Variants in TRPM3 observed in about 807,000 individuals in gnomAD.
TRPM3 encodes the protein long transient receptor potential channel 3.
Under a neutral mutation model 181.2 loss-of-function variants are expected in TRPM3, and 77 were observed. The ratio of observed to expected loss-of-function variants is 0.42; its 90% CI spans 0.35 to 0.51. The LOEUF (loss-of-function observed/expected upper bound fraction) is 0.51. Ranked by LOEUF, TRPM3 falls within the 20% of genes least tolerant of loss-of-function variation. TRPM3 has a pLI of 0.01. For synonymous variants in TRPM3, 745 were observed against 796.4 expected (o/e 0.94, Z 1.09); for missense variants, 1,759 against 2,196.7 (o/e 0.80, Z 3.98).
Position 71,032,056 on chromosome 9 carries a change from T to G in TRPM3, c.177+89122A>C, listed in dbSNP as rs1178737784. 3.9e-3 allele frequency among the ~76,000 whole-genome samples: 5 copies of G among 1,294 alleles called. 1 individual carries two copies. The Admixed American group carries it at 0.077, about 20-fold the overall frequency. The allele number at this position is 1,294 out of a possible 152,430, so 0.8% of individuals were successfully genotyped here. On this transcript the variant is annotated intron_variant, in intron 1 of 25. Coordinates refer to ENST00000677713, the MANE Select transcript of TRPM3 (RefSeq NM_001366145.2). ...TAAATATATATATATATATTATATA[T>G]ATTATATATATTATATTATATTATA...
intron 9 of TRPM3, among the ~76,000 whole-genome samples, chr9:70,660,422 C>T (rs2133918557): frequency 6.6e-6 from 1 of 152,198 alleles, no homozygotes; most frequent in South Asian, 2.1e-4. Flanking sequence ...AGTTGTCCTG[C>T]CTCTGCTTCA....
At chr9:70,835,702 A>T (rs1465464446) in intron 5 of TRPM3, among the ~76,000 whole-genome samples, 1 of 152,130 alleles carries the variant, frequency 6.6e-6, no homozygotes, top group Non-Finnish European at 1.5e-5. Flanking sequence ...GTACATAGAG[A>T]ATAATAATAA....
At chr9:70,686,963 G>A (rs1045810022) in intron 8 of TRPM3, among the ~76,000 whole-genome samples, 2 of 151,408 alleles carry the variant, frequency 1.3e-5, no homozygotes, top group South Asian at 2.1e-4. Context: ...TGGGGCTACA[G>A]GTGCACACCA....
chr9:70,853,321 T>C (rs945386673), intron 3 of TRPM3, among the ~76,000 whole-genome samples: 10 of 152,234 alleles, frequency 6.6e-5, no homozygotes, highest in African/African-American at 2.4e-4. Flanking sequence ...CTAATTTTAA[T>C]GTGCACAGAA....
At chr9:71,411,097 G>A (rs971373382) in intron 1 of TRPM3, among the ~76,000 whole-genome samples, 2 of 152,214 alleles carry the variant, frequency 1.3e-5, no homozygotes, top group Non-Finnish European at 1.5e-5. Flanking sequence ...TTGATGGGAC[G>A]TATTTCAAAA....
At chr9:71,083,682 TGC>T (rs2064781182) in intron 1 of TRPM3, among the ~76,000 whole-genome samples, 1 of 150,182 alleles carries the variant, frequency 6.7e-6, no homozygotes, top group Non-Finnish European at 1.5e-5. Context: ...TAACCAGTGT[TGC>T]ATAAAAGTCC....
chr9:70,655,911 C>A (rs1054310738), intron 9 of TRPM3, among the ~76,000 whole-genome samples: 3 of 152,014 alleles, frequency 2.0e-5, no homozygotes, highest in Non-Finnish European at 2.9e-5. Context: ...ATTGGCATGC[C>A]TAATACCTCT....
intron 1 of TRPM3, among the ~76,000 whole-genome samples, chr9:70,934,591 A>C (rs931829900): frequency 6.6e-6 from 1 of 152,234 alleles, no homozygotes; most frequent in Admixed American, 6.5e-5. Context: ...AAATGGGAAC[A>C]AAATATGATC....
At chr9:70,880,034 T>C in intron 1 of TRPM3, among the ~76,000 whole-genome samples, 1 of 152,126 alleles carries the variant, frequency 6.6e-6, no homozygotes, top group East Asian at 1.9e-4. Flanking sequence ...AAATTATGTA[T>C]TAAATCTCCA....
intron 9 of TRPM3, among the ~76,000 whole-genome samples, chr9:70,677,717 C>A (rs2064368176): frequency 6.6e-6 from 1 of 152,142 alleles, no homozygotes; most frequent in Admixed American, 6.5e-5. Context: ...ATTCTGAAGG[C>A]TGGAATGTCA....
intron 6 of TRPM3, among the ~76,000 whole-genome samples, chr9:70,795,675 C>A (rs571853757): frequency 1.8e-4 from 28 of 152,152 alleles, no homozygotes; most frequent in Non-Finnish European, 3.8e-4. Flanking sequence ...TTAAGTCTTT[C>A]GAGTTCTGTG....
In TRPM3 at chr9:71,401,024, C is replaced by T. The variant is rs139636864; in HGVS notation, c.183+45629G>A. ...ACCAGCCTGGCCAACATGGCAAAAC[C>T]CCGTCTCTACTAAAAATACAAAAAT... is the stretch of plus-strand genomic sequence containing the variant. On this transcript the variant is annotated intron_variant, in intron 1 of 24. Transcript: ENST00000357533. 5.6e-4 allele frequency among the ~76,000 whole-genome samples: 85 copies of T among 151,772 alleles called. 1 individual carries two copies. Among genetic ancestry groups the T allele is most frequent in the African/African-American group, 1.9e-3 (80 of 41,412 alleles).
At chr9:70,921,942 A>AACACACACACACACACACAAACAAAC (rs2096660040) in intron 1 of TRPM3, among the ~76,000 whole-genome samples, 1 of 139,394 alleles carries the variant, frequency 7.2e-6, no homozygotes, top group Non-Finnish European at 1.5e-5. Flanking sequence ...CACACAAACA[A>AACACACACACACACACACAAACAAAC]ACACACACAC....
At chr9:70,622,339 G>A (rs982927357) in intron 14 of TRPM3, among the ~76,000 whole-genome samples, 71 of 152,312 alleles carry the variant, frequency 4.7e-4, no homozygotes, top group African/African-American at 1.7e-3. Flanking sequence ...AATGAACAAG[G>A]AAACCTTCTA....
rs540488032 is a variant in TRPM3 at position 71,180,045 on chromosome 9, T to A, written c.183+266608A>T. Among the ~76,000 whole-genome samples, 3 of 126,468 alleles carry A rather than the reference T, an allele frequency of 2.4e-5. No homozygotes were observed. The Admixed American group carries it at 2.6e-4, about 11-fold the overall frequency. The allele number at this position is 126,468 out of a possible 152,430, so 83.0% of individuals were successfully genotyped here. A position where few individuals can be genotyped will look rare whatever the true frequency, so the allele number is the denominator to read the frequency against. ...TAAAAGGGGAGAACCTTATCATACA[T>A]CCTTCTTTTTTTTTTTTTTTTTTTT... On this transcript the variant is annotated intron_variant, in intron 1 of 24. Transcript: ENST00000357533.
At chr9:71,106,522 A>G (rs1253026204) in intron 1 of TRPM3, among the ~76,000 whole-genome samples, 1 of 152,016 alleles carries the variant, frequency 6.6e-6, no homozygotes, top group Non-Finnish European at 1.5e-5. Context: ...AAGCTTCCTG[A>G]GGCCTCCACC....
chr9:71,270,998 C>G (rs11142767), intron 1 of TRPM3, among the ~76,000 whole-genome samples: 81,053 of 152,020 alleles, frequency 0.53, 21,818 homozygotes, highest in African/African-American at 0.62. Context: ...GGCAACCTCA[C>G]AAGAAACCTA....
At chr9:71,238,677 T>G (rs1171683012) in intron 1 of TRPM3, among the ~76,000 whole-genome samples, 1 of 152,226 alleles carries the variant, frequency 6.6e-6, no homozygotes, top group African/African-American at 2.4e-5. Context: ...TGTAATGCAT[T>G]TGTAACTGCT....
chr9:71,000,006 C>A (rs1327255445), intron 1 of TRPM3, among the ~76,000 whole-genome samples: 1 of 152,108 alleles, frequency 6.6e-6, no homozygotes, highest in African/African-American at 2.4e-5. Context: ...AATGCCATAA[C>A]CTAGTGTTTT....
Sources: allele counts gnomAD v4.1 joint callset (sites outside exome capture counted in the v4.1 genomes callset), GRCh38; gene constraint gnomAD v4.1.1; transcripts MANE v1.5; gene names NCBI Gene and HGNC (gene_info 2026-07-23, HGNC 2026-07-21).